Variants in DCLK1 observed in about 807,000 individuals in gnomAD.
DCLK1 encodes the protein doublecortin like kinase 1.
DCLK1 carries 16 observed loss-of-function variants against 86.2 expected under a neutral mutation model. The observed-to-expected ratio is 0.19, with a 90% confidence interval of 0.13 to 0.28. The LOEUF (loss-of-function observed/expected upper bound fraction) is 0.28, where lower values mean the gene tolerates loss of function less well. Among genes scored for constraint, DCLK1 ranks in the 10% least tolerant of loss-of-function variants. The probability of loss-of-function intolerance (pLI) is 1.00; values close to 1 mark genes in which losing one functional copy is unlikely to be tolerated. For missense variants in DCLK1, 590 were observed against 940.2 expected, an observed-to-expected ratio of 0.63 and a Z score of 4.87; for synonymous variants, 369 against 370.5, an observed-to-expected ratio of 1.00 and a Z score of 0.05.
chr13:35,989,453 G>A (rs1408281870), intron 3 of DCLK1, among the ~76,000 whole-genome samples: 2 of 151,974 alleles, frequency 1.3e-5, no homozygotes, highest in African/African-American at 4.8e-5. Context: ...TGTATTTTTA[G>A]TAGAGATGGG....
chr13:36,007,074 GAGAGTGTGCCC>G (rs1472406083), intron 3 of DCLK1, among the ~76,000 whole-genome samples: 1 of 152,070 alleles, frequency 6.6e-6, no homozygotes, highest in African/African-American at 2.4e-5. Context: ...TGCATGCGAG[GAGAGTGTGCCC>G]AGAGGCCAGC....
At chr13:35,848,413 ACT>A in intron 6 of DCLK1, 1 of 985,168 alleles carries the variant, frequency 1.0e-6, no homozygotes, top group Non-Finnish European at 1.2e-6. Context: ...TCTCTGAGGG[ACT>A]TTACTTTCAA....
chr13:36,006,503 C>A (rs1208179320), intron 3 of DCLK1, among the ~76,000 whole-genome samples: 1 of 152,230 alleles, frequency 6.6e-6, no homozygotes, highest in Non-Finnish European at 1.5e-5. Context: ...CAATTCAAGG[C>A]CCTCTTGTGA....
At chr13:35,931,592 T>C (rs1024101866) in intron 4 of DCLK1, among the ~76,000 whole-genome samples, 3 of 152,150 alleles carry the variant, frequency 2.0e-5, no homozygotes, top group Non-Finnish European at 4.4e-5. Flanking sequence ...CTATGTTCTG[T>C]TCTAGGTGCC....
At chr13:36,127,769 CT>C (rs1180605987) in intron 1 of DCLK1, among the ~76,000 whole-genome samples, 1 of 152,098 alleles carries the variant, frequency 6.6e-6, no homozygotes, top group Non-Finnish European at 1.5e-5. Flanking sequence ...TCTGTACCCC[CT>C]GGTCCCCACA....
chr13:35,870,009 C>T (rs79422256), intron 5 of DCLK1, among the ~76,000 whole-genome samples: 6,476 of 152,230 alleles, frequency 0.043, 481 homozygotes, highest in African/African-American at 0.15. Flanking sequence ...CATCCTTTAG[C>T]AATGCCTCAT....
At chr13:35,935,619 A>T (rs1382532237) in intron 4 of DCLK1, among the ~76,000 whole-genome samples, 1 of 152,168 alleles carries the variant, frequency 6.6e-6, no homozygotes, top group Non-Finnish European at 1.5e-5. Context: ...GATGTGTTGA[A>T]TTTCAGGTGG....
chr13:35,957,936 CTA>C (rs1593767147), intron 3 of DCLK1, among the ~76,000 whole-genome samples: 77 of 104,618 alleles, frequency 7.4e-4, no homozygotes, highest in African/African-American at 2.6e-3. Flanking sequence ...ACCATCACCA[CTA>C]CCACTACTAC....
intron 3 of DCLK1, among the ~76,000 whole-genome samples, chr13:35,985,557 G>A (rs1879860778): frequency 6.6e-6 from 1 of 152,202 alleles, no homozygotes; most frequent in South Asian, 2.1e-4. Flanking sequence ...AATTAGCAAA[G>A]GGTAAGTGAC....
chr13:35,997,299 C>A (rs368110715), intron 3 of DCLK1, among the ~76,000 whole-genome samples: 4 of 152,142 alleles, frequency 2.6e-5, no homozygotes, highest in African/African-American at 7.2e-5. Flanking sequence ...AAGATAGGCC[C>A]CAATCCAACT....
chr13:36,055,495 T>A (rs1475324310), intron 3 of DCLK1, among the ~76,000 whole-genome samples: 1 of 152,178 alleles, frequency 6.6e-6, no homozygotes, highest in African/African-American at 2.4e-5. Flanking sequence ...AAATTTTCCA[T>A]TTTTCATTCC....
In DCLK1 at chr13:35,775,515, G is replaced by C. The variant is rs192929542; in HGVS notation, c.2059-816C>G. Among the ~76,000 whole-genome samples the C allele has an allele frequency of 2.0e-5, 3 of 152,260 alleles. No homozygotes were observed. In the East Asian group the frequency reaches 5.8e-4, roughly 29 times the overall value. On this transcript the variant is annotated intron_variant, in intron 16 of 16. Transcript: ENST00000360631. ...CTGGATGTTATCATGACATCAGAAT[G>C]GGGGACAGCATGACTTCATCACAGA...
At chr13:35,914,838 A>T (rs535971869) in intron 4 of DCLK1, among the ~76,000 whole-genome samples, 150 of 152,318 alleles carry the variant, frequency 9.8e-4, no homozygotes, top group African/African-American at 3.5e-3. Flanking sequence ...CTTATTCATC[A>T]TTCTATCCCT....
intron 6 of DCLK1, chr13:35,846,732 AATAGAG>A (rs1328911637): frequency 3.0e-5 from 30 of 985,224 alleles, no homozygotes; most frequent in Non-Finnish European, 3.4e-5. Context: ...AACATGCACA[AATAGAG>A]ATGCTAGCAA....
Position 35,768,794 on chromosome 13 carries a change from A to C in DCLK1, c.*5741T>G, listed in dbSNP as rs2086277540. ...CTGTGCTATGGAGGACATGTGGGAA[A>C]GCTACACTCTGACCGCATGACTAAT... is the stretch of plus-strand genomic sequence containing the variant. On this transcript the variant is annotated 3_prime_UTR_variant, in exon 17 of 17. Coordinates refer to ENST00000360631, the MANE Select transcript of DCLK1 (RefSeq NM_001330071.2). 6.6e-6 allele frequency: 1 copy of C among 152,270 alleles called. No homozygotes were observed. The highest frequency in any genetic ancestry group is 2.1e-4 in the South Asian group (1 of 4,838). 9.4% of individuals were successfully genotyped at this position (152,270 alleles called of 1,614,324 possible).
At chr13:35,940,157 G>T (rs911527048) in intron 4 of DCLK1, among the ~76,000 whole-genome samples, 3 of 150,752 alleles carry the variant, frequency 2.0e-5, no homozygotes, top group African/African-American at 7.4e-5. Context: ...GGAGGTGGAG[G>T]TTGCAGTGAG....
rs569145028 is a variant in DCLK1 at position 36,028,478 on chromosome 13, T to G, written c.724-81021A>C. Among the ~76,000 whole-genome samples the G allele has an allele frequency of 1.4e-3, 218 of 152,266 alleles. 5 individuals carry two copies. Among genetic ancestry groups the G allele is most frequent in the Middle Eastern group, 0.01 (3 of 294 alleles). On this transcript the variant is annotated intron_variant, in intron 3 of 16. Transcript: ENST00000360631. ...CATATGAGACTCCTGGTCACCCTGTTCCATACCCACTGAACTTCCTCGTTT... is the reference window on the plus strand; with the variant it reads ...CATATGAGACTCCTGGTCACCCTGTGCCATACCCACTGAACTTCCTCGTTT...
At chr13:35,956,168 T>G (rs769080652) in intron 3 of DCLK1, among the ~76,000 whole-genome samples, 1 of 152,150 alleles carries the variant, frequency 6.6e-6, no homozygotes, top group Non-Finnish European at 1.5e-5. Flanking sequence ...CTGGAGAGGA[T>G]ACAAATAAAC....
chr13:35,828,947 C>T (rs569602154), intron 8 of DCLK1, among the ~76,000 whole-genome samples: 11 of 152,224 alleles, frequency 7.2e-5, no homozygotes, highest in African/African-American at 2.2e-4. Flanking sequence ...GTGTGAGTTC[C>T]GCTGGAGAAC....
Sources: allele counts gnomAD v4.1 joint callset (sites outside exome capture counted in the v4.1 genomes callset), GRCh38; gene constraint gnomAD v4.1.1; transcripts MANE v1.5; gene names NCBI Gene and HGNC (gene_info 2026-07-23, HGNC 2026-07-21).